ASAP1: variants seen among roughly 807,000 people sequenced by gnomAD.
The protein encoded by ASAP1 is arf-GAP with SH3 domain, ANK repeat and PH domain-containing protein 1.
Under a neutral mutation model 145.2 loss-of-function variants are expected in ASAP1, and 43 were observed. The ratio of observed to expected loss-of-function variants is 0.30; its 90% CI spans 0.23 to 0.38. The LOEUF (loss-of-function observed/expected upper bound fraction) is 0.38, where lower values mean the gene tolerates loss of function less well. ASAP1 is among the 10% of genes least tolerant of loss of function. ASAP1 has a pLI of 1.00. For missense variants in ASAP1, 1,018 were observed against 1,355.3 expected (o/e 0.75, Z 3.91); for synonymous variants, 546 against 515.5 (o/e 1.06, Z -0.80).
chr8:130,219,759 C>A (rs1373503442), intron 4 of ASAP1, among the ~76,000 whole-genome samples: 1 of 152,176 alleles, frequency 6.6e-6, no homozygotes, highest in African/African-American at 2.4e-5. Context: ...CTTCTGGCAT[C>A]CACGACATTG....
intron 3 of ASAP1, among the ~76,000 whole-genome samples, chr8:130,248,124 G>A (rs1818962849): frequency 6.6e-6 from 1 of 152,112 alleles, no homozygotes; most frequent in Non-Finnish European, 1.5e-5. Flanking sequence ...ACTTATCAAA[G>A]AGGAATAGTT....
chr8:130,323,540 G>T (rs72724437), intron 3 of ASAP1, among the ~76,000 whole-genome samples: 5,284 of 152,264 alleles, frequency 0.035, 126 homozygotes, highest in Middle Eastern at 0.065. Flanking sequence ...CACATTTCCA[G>T]TGCCATCTGC....
intron 3 of ASAP1, among the ~76,000 whole-genome samples, chr8:130,312,466 T>C (rs1775806348): frequency 6.6e-6 from 1 of 151,448 alleles, no homozygotes; most frequent in Non-Finnish European, 1.5e-5. Context: ...AAAAAACCCA[T>C]TAGGAATTCT....
intron 2 of ASAP1, among the ~76,000 whole-genome samples, chr8:130,374,932 G>T (rs1827411328): frequency 6.6e-6 from 1 of 152,214 alleles, no homozygotes. Flanking sequence ...ATGTGAAAGA[G>T]GATTCCACAA....
intron 9 of ASAP1, among the ~76,000 whole-genome samples, chr8:130,176,173 G>A (rs978271484): frequency 6.6e-5 from 10 of 152,096 alleles, no homozygotes; most frequent in South Asian, 2.1e-4. Flanking sequence ...CGGAAGTGTC[G>A]TGACTATTAC....
At chr8:130,395,489 G>A (rs1828484967) in intron 2 of ASAP1, among the ~76,000 whole-genome samples, 1 of 152,194 alleles carries the variant, frequency 6.6e-6, no homozygotes, top group Non-Finnish European at 1.5e-5. Context: ...GAATGCCGCA[G>A]GACAACACAG....
At chr8:130,156,919 A>G (rs556247570) in intron 12 of ASAP1, among the ~76,000 whole-genome samples, 1 of 152,390 alleles carries the variant, frequency 6.6e-6, no homozygotes, top group East Asian at 1.9e-4. Flanking sequence ...CGTTTCACTT[A>G]GAATTAGGCA....
At chr8:130,123,587 A>AAAACAAAC (rs74656989) in intron 18 of ASAP1, among the ~76,000 whole-genome samples, 91 of 151,936 alleles carry the variant, frequency 6.0e-4, no homozygotes, top group East Asian at 1.4e-3. Context: ...TTTGCTCTGG[A>AAAACAAAC]AAACAAACAA....
chr8:130,316,692 G>A (rs1490327385), intron 3 of ASAP1, among the ~76,000 whole-genome samples: 5 of 152,236 alleles, frequency 3.3e-5, no homozygotes, highest in South Asian at 2.1e-4. Flanking sequence ...GAAGTCATGT[G>A]CTGAGGAAGG....
intron 18 of ASAP1, among the ~76,000 whole-genome samples, chr8:130,119,713 C>T (rs1217644186): frequency 3.9e-5 from 6 of 152,144 alleles, no homozygotes; most frequent in Admixed American, 3.3e-4. Flanking sequence ...TTAATAAAGA[C>T]AGTAAATGAA....
At chr8:130,376,094 C>G (rs1827477254) in intron 2 of ASAP1, among the ~76,000 whole-genome samples, 1 of 152,182 alleles carries the variant, frequency 6.6e-6, no homozygotes, top group South Asian at 2.1e-4. Flanking sequence ...TGTGGGCTCC[C>G]AGATGCACAT....
chr8:130,206,671 C>T (rs1816245629), intron 5 of ASAP1, among the ~76,000 whole-genome samples: 1 of 152,194 alleles, frequency 6.6e-6, no homozygotes, highest in Non-Finnish European at 1.5e-5. Context: ...TGAGTCCTGG[C>T]TGACCTAGAA....
intron 4 of ASAP1, among the ~76,000 whole-genome samples, chr8:130,218,778 A>C (rs992720534): frequency 8.5e-5 from 13 of 152,110 alleles, no homozygotes; most frequent in African/African-American, 2.9e-4. Context: ...AGACTAGATA[A>C]GTATAGGCTA....
At chr8:130,233,964 C>G (rs943834603) in intron 4 of ASAP1, among the ~76,000 whole-genome samples, 3 of 152,172 alleles carry the variant, frequency 2.0e-5, no homozygotes, top group African/African-American at 7.2e-5. Context: ...TTAGAATCAG[C>G]TGGGGAATAA....
intron 8 of ASAP1, among the ~76,000 whole-genome samples, chr8:130,180,151 C>A (rs1483513064): frequency 6.6e-6 from 1 of 151,788 alleles, no homozygotes; most frequent in Non-Finnish European, 1.5e-5. Context: ...AGAAAAAAAT[C>A]TAGGGAAGGA....
intron 2 of ASAP1, among the ~76,000 whole-genome samples, chr8:130,380,169 C>T (rs1177273539): frequency 6.6e-6 from 1 of 152,112 alleles, no homozygotes; most frequent in Non-Finnish European, 1.5e-5. Flanking sequence ...GGAAGTGATC[C>T]CAACTAGATG....
chr8:130,426,925 G>C (rs992828108), intron 1 of ASAP1, among the ~76,000 whole-genome samples: 1 of 152,170 alleles, frequency 6.6e-6, no homozygotes. Context: ...TGAGGATAGG[G>C]ATTTTTCTCT....
chr8:130,099,546 G>C (rs1387978952), intron 24 of ASAP1, among the ~76,000 whole-genome samples: 2 of 152,026 alleles, frequency 1.3e-5, no homozygotes, highest in Non-Finnish European at 2.9e-5. Context: ...GTCCAGGCTT[G>C]AGCTTTTCTT....
At chr8:130,262,416 AAGAGAG>A (rs71513089) in intron 3 of ASAP1, among the ~76,000 whole-genome samples, 1,715 of 57,782 alleles carry the variant, frequency 0.03, 43 homozygotes, top group African/African-American at 0.054. Flanking sequence ...AAAAAAAAAA[AAGAGAG>A]AGAGAGAGAG....
Sources: gnomAD v4.1 joint callset for allele counts (sites outside exome capture counted in the v4.1 genomes callset) on GRCh38, gnomAD v4.1.1 for gene constraint, MANE v1.5 for transcripts, NCBI Gene and HGNC (gene_info 2026-07-23, HGNC 2026-07-21) for gene names.